Variants in ADAMTS18 observed in about 807,000 individuals in gnomAD.
ADAMTS18 encodes A disintegrin and metalloproteinase with thrombospondin motifs 18.
A neutral mutation model predicts 165.9 loss-of-function variants in ADAMTS18; 157 were observed. The observed-to-expected ratio is 0.95, with a 90% CI of 0.83 to 1.08. ADAMTS18 has a LOEUF of 1.08. Ranked by LOEUF, ADAMTS18 falls within the 50% of genes least tolerant of loss-of-function variation. The pLI is 0.00. For synonymous variants in ADAMTS18, 782 were observed against 578.2 expected (o/e 1.35, Z -5.06); for missense variants, 2,040 against 1,534.0 (o/e 1.33, Z -5.51).
At chr16:77,332,433 C>T (rs1426779285) in intron 12 of ADAMTS18, among the ~76,000 whole-genome samples, 1 of 152,066 alleles carries the variant, frequency 6.6e-6, no homozygotes, top group African/African-American at 2.4e-5. Context: ...TGGTGAATGC[C>T]CACTGAATGT....
At position 77,356,075 on chromosome 16, in the gene ADAMTS18, A is replaced by G. The variant is rs2056626300; in HGVS notation, c.1325T>C (p.Phe442Ser). The G allele has an allele frequency of 6.2e-7, 1 of 1,614,086 alleles. No homozygotes were observed. Among genetic ancestry groups the G allele is most frequent in the Admixed American group, 1.7e-5 (1 of 60,014 alleles). ...CCCTTCTCCATCGTGAATCATACCA[A>G]AGCTGAAACAGAATGAAGAAAACAA... ...FTIAHESGHN[F>S]GMIHDGEGNP... The change falls in exon 9 of 23, where the codon TTT becomes TCT. Residue 442 changes from phenylalanine (F) to serine (S), a missense_variant and splice_region_variant. Phe to Ser is a radical substitution (Grantham distance 155, BLOSUM62 -2). Coordinates refer to ENST00000282849, the MANE Select transcript of ADAMTS18 (RefSeq NM_199355.4).
At chr16:77,354,543 T>C (rs1316483280) in intron 9 of ADAMTS18, among the ~76,000 whole-genome samples, 3 of 151,406 alleles carry the variant, frequency 2.0e-5, no homozygotes, top group Non-Finnish European at 4.4e-5. Context: ...CTTACTTAAA[T>C]AATTAAAATG....
intron 17 of ADAMTS18, among the ~76,000 whole-genome samples, chr16:77,298,311 G>A (rs976674074): frequency 6.6e-6 from 1 of 152,066 alleles, no homozygotes; most frequent in South Asian, 2.1e-4. Context: ...AAAAATGTGT[G>A]AATAATTGTA....
chr16:77,323,864 C>G, intron 13 of ADAMTS18, among the ~76,000 whole-genome samples: 1 of 152,248 alleles, frequency 6.6e-6, no homozygotes, highest in South Asian at 2.1e-4. Flanking sequence ...GCATTCTGCT[C>G]TGCATCTAGC....
rs777218145 is a variant in ADAMTS18, at chr16:77,367,436, C to A, written c.778+5G>T. The A allele has an allele frequency of 6.2e-7, 1 of 1,614,162 alleles. No individual in the cohort carries two copies. The highest frequency in any genetic ancestry group is 8.5e-7 in the Non-Finnish European group (1 of 1,180,026). The stretch of plus-strand genomic sequence containing the variant: ...AACAGAAAAAGAAAAAGTTTCCTTA[C>A]ATACATTTCTTGCGTCGTCCACAAA... On this transcript the variant is annotated splice_donor_5th_base_variant and intron_variant, in intron 4 of 22. Coordinates refer to ENST00000282849, the MANE Select transcript of ADAMTS18 (RefSeq NM_199355.4).
At chr16:77,423,174 C>T (rs555677779) in intron 3 of ADAMTS18, among the ~76,000 whole-genome samples, 16 of 152,280 alleles carry the variant, frequency 1.1e-4, no homozygotes, top group African/African-American at 3.8e-4. Flanking sequence ...CTTATAACGC[C>T]AGCTTGCAGT....
At chr16:77,376,553 G>T (rs569882367) in intron 3 of ADAMTS18, among the ~76,000 whole-genome samples, 1 of 152,112 alleles carries the variant, frequency 6.6e-6, no homozygotes, top group African/African-American at 2.4e-5. Flanking sequence ...ACTGGGTTGC[G>T]CCCGCTACTG....
intron 2 of ADAMTS18, 23 bp from the exon 3 acceptor site, chr16:77,431,634 G>A (rs540771426): frequency 5.0e-6 from 8 of 1,612,104 alleles, no homozygotes; most frequent in Non-Finnish European, 6.8e-6. Context: ...AAGTTCAGCT[G>A]TCAGCACCCA....
At chr16:77,374,937 A>G (rs563960722) in intron 3 of ADAMTS18, among the ~76,000 whole-genome samples, 1 of 152,308 alleles carries the variant, frequency 6.6e-6, no homozygotes, top group Middle Eastern at 3.4e-3. Context: ...CTTTAGTTTG[A>G]TAGAAAACCT....
chr16:77,397,206 A>G (rs886992233), intron 3 of ADAMTS18, among the ~76,000 whole-genome samples: 1 of 152,212 alleles, frequency 6.6e-6, no homozygotes. Flanking sequence ...TAAGTTAGAC[A>G]TGGGAAAGAA....
intron 3 of ADAMTS18, among the ~76,000 whole-genome samples, chr16:77,421,911 C>T (rs185838037): frequency 1.3e-3 from 204 of 152,148 alleles, no homozygotes; most frequent in African/African-American, 4.6e-3. Flanking sequence ...TAAGATAGAT[C>T]TATACAAAAA....
intron 10 of ADAMTS18, among the ~76,000 whole-genome samples, chr16:77,344,189 A>C (rs1452256732): frequency 6.7e-6 from 1 of 149,792 alleles, no homozygotes. Context: ...ACATACAGTA[A>C]TTTTGGTCTT....
At chr16:77,358,668 T>A in intron 8 of ADAMTS18, among the ~76,000 whole-genome samples, 1 of 152,234 alleles carries the variant, frequency 6.6e-6, no homozygotes, top group East Asian at 1.9e-4. Context: ...TGAAAATATA[T>A]GAGTTATTTC....
In ADAMTS18 at chr16:77,362,280, A is replaced by G. The variant is rs2056727281; in HGVS notation, c.1057-16T>C. 9 of 1,613,918 alleles carry G rather than the reference A, an allele frequency of 5.6e-6. No individual in the cohort carries two copies. Among genetic ancestry groups the G allele is most frequent in the Non-Finnish European group, 7.6e-6 (9 of 1,179,994 alleles). ...ATAATCCTCCCTATGGGAAACCCAC[A>G]CAAATCAAAGTGTGAATTTGTCACA... On this transcript the variant is annotated splice_polypyrimidine_tract_variant and intron_variant, in intron 6 of 22. Coordinates refer to ENST00000282849, the MANE Select transcript of ADAMTS18 (RefSeq NM_199355.4).
intron 11 of ADAMTS18, among the ~76,000 whole-genome samples, chr16:77,339,707 C>T (rs1285416895): frequency 6.6e-6 from 1 of 151,934 alleles, no homozygotes; most frequent in East Asian, 1.9e-4. Flanking sequence ...TCCACTAATT[C>T]ATTGTTTTGT....
chr16:77,415,414 T>A (rs1164791260), intron 3 of ADAMTS18, among the ~76,000 whole-genome samples: 4 of 152,206 alleles, frequency 2.6e-5, no homozygotes, highest in African/African-American at 7.2e-5. Flanking sequence ...CAGGCATAGC[T>A]GCATATCACC....
chr16:77,397,254 T>A (rs2057270573), intron 3 of ADAMTS18, among the ~76,000 whole-genome samples: 1 of 152,226 alleles, frequency 6.6e-6, no homozygotes, highest in South Asian at 2.1e-4. Flanking sequence ...ACTTTGTGTA[T>A]TTATTCCTAC....
At chr16:77,292,608 C>T (rs76880594) in intron 20 of ADAMTS18, among the ~76,000 whole-genome samples, 9,210 of 152,266 alleles carry the variant, frequency 0.06, 396 homozygotes, top group East Asian at 0.24. Context: ...AGTCACTTGA[C>T]GTGTGCTTTC....
chr16:77,322,985 T>C (rs902517658), intron 13 of ADAMTS18, among the ~76,000 whole-genome samples: 1 of 152,168 alleles, frequency 6.6e-6, no homozygotes, highest in African/African-American at 2.4e-5. Flanking sequence ...CGGTTAGTCA[T>C]GTTTGTAAAA....
Sources: gnomAD v4.1 joint callset for allele counts (sites outside exome capture counted in the v4.1 genomes callset) on GRCh38, gnomAD v4.1.1 for gene constraint, MANE v1.5 for transcripts, NCBI Gene and HGNC (gene_info 2026-07-23, HGNC 2026-07-21) for gene names.